ANXA10: variants seen among roughly 807,000 people sequenced by gnomAD.
ANXA10 encodes annexin 14.
In ANXA10, 49 loss-of-function variants were observed where a neutral mutation model predicts 53.5. The observed-to-expected ratio is 0.92, with a 90% CI of 0.73 to 1.16. ANXA10 has a LOEUF of 1.16. ANXA10 is among the 50% of genes most tolerant of loss of function. ANXA10 has a pLI of 0.00. For missense variants in ANXA10, 393 were observed against 394.4 expected, an observed-to-expected ratio of 1.00 and a Z score of 0.03; for synonymous variants, 131 against 128.9, an observed-to-expected ratio of 1.02 and a Z score of -0.11.
intron 3 of ANXA10, among the ~76,000 whole-genome samples, chr4:168,149,832 T>C (rs1731468832): frequency 6.6e-6 from 1 of 152,226 alleles, no homozygotes; most frequent in African/African-American, 2.4e-5. Context: ...GTGGTGAGCG[T>C]GAGCTTTCTG....
chr4:168,100,737 C>T (rs138770264), intron 1 of ANXA10, among the ~76,000 whole-genome samples: 86 of 152,196 alleles, frequency 5.7e-4, no homozygotes, highest in African/African-American at 1.9e-3. Context: ...TTTTATGAGA[C>T]TAGATATGCA....
intron 1 of ANXA10, among the ~76,000 whole-genome samples, chr4:168,099,331 G>A (rs911080577): frequency 6.6e-6 from 1 of 152,014 alleles, no homozygotes; most frequent in Admixed American, 6.6e-5. Context: ...GTAAGAAAAC[G>A]GTCAAAGATG....
At chr4:168,115,557 A>G (rs1193644009) in intron 1 of ANXA10, among the ~76,000 whole-genome samples, 1 of 151,116 alleles carries the variant, frequency 6.6e-6, no homozygotes, top group African/African-American at 2.4e-5. Flanking sequence ...TTCTTTTTGA[A>G]CTGACGTAAA....
chr4:168,113,025 AAAAAAAAGAAAG>A (rs1730836115), intron 1 of ANXA10, among the ~76,000 whole-genome samples: 1 of 152,080 alleles, frequency 6.6e-6, no homozygotes, highest in African/African-American at 2.4e-5. Flanking sequence ...TCCATCGGAA[AAAAAAAAGAAAG>A]AAAAAAAAGA....
intron 1 of ANXA10, among the ~76,000 whole-genome samples, chr4:168,116,989 T>TCACACACACACACA (rs1236162593): frequency 5.3e-5 from 1 of 18,882 alleles, no homozygotes; most frequent in African/African-American, 2.0e-4. Flanking sequence ...AGCAAATTTT[T>TCACACACACACACA]CACACAGACA....
chr4:168,179,176 T>A (rs749419189), intron 8 of ANXA10, 41 bp from the exon 9 acceptor site: 2 of 1,222,744 alleles, frequency 1.6e-6, no homozygotes, highest in East Asian at 2.5e-5. Context: ...TGTATTATAA[T>A]ATTTTCAAAA....
intron 1 of ANXA10, among the ~76,000 whole-genome samples, chr4:168,096,381 T>C (rs2149463230): frequency 1.3e-5 from 2 of 152,300 alleles, no homozygotes; most frequent in East Asian, 3.9e-4. Context: ...TCAACAAAAG[T>C]TTTGAATCAT....
At chr4:168,097,181 AC>A (rs1367787066) in intron 1 of ANXA10, among the ~76,000 whole-genome samples, 1 of 151,952 alleles carries the variant, frequency 6.6e-6, no homozygotes, top group Non-Finnish European at 1.5e-5. Flanking sequence ...CTTGTATTAC[AC>A]CCATTATATA....
chr4:168,103,918 A>G (rs1014845342), intron 1 of ANXA10, among the ~76,000 whole-genome samples: 2 of 151,800 alleles, frequency 1.3e-5, no homozygotes, highest in East Asian at 1.9e-4. Flanking sequence ...ATTTTTCGGT[A>G]TGGTATTGAA....
chr4:168,174,293 C>A (rs1732075314), intron 6 of ANXA10, among the ~76,000 whole-genome samples: 1 of 152,212 alleles, frequency 6.6e-6, no homozygotes, highest in African/African-American at 2.4e-5. Context: ...GCTGTTAACA[C>A]ACCCCTATTC....
Position 168,179,278 on chromosome 4 carries a change from T to C in ANXA10, c.690T>C (p.Tyr230=), listed in dbSNP as rs764884583. Residue 230 remains tyrosine, a synonymous_variant, in exon 9 of 12, where the codon TAT becomes TAC. Transcript: ENST00000359299. ...TGGTAGATGCCATTAATGAATGTTA[T>C]GATGGATACTTTCAGGAGCTGCTGG... is the stretch of plus-strand genomic sequence containing the variant. ...QDMVDAINEC[Y]DGYFQELLVA... is the part of the protein sequence containing the mutation. 11 of 1,611,858 alleles carry C rather than the reference T, an allele frequency of 6.8e-6. No homozygotes were observed. The highest frequency in any genetic ancestry group is 3.3e-5 in the Admixed American group (2 of 59,910).
At chr4:168,143,911 A>G (rs188437666) in intron 3 of ANXA10, among the ~76,000 whole-genome samples, 18 of 152,314 alleles carry the variant, frequency 1.2e-4, no homozygotes, top group Non-Finnish European at 1.6e-4. Context: ...TCAGGCTTAC[A>G]AGGGCAGACA....
At chr4:168,099,909 A>G (rs1370101812) in intron 1 of ANXA10, among the ~76,000 whole-genome samples, 2 of 152,160 alleles carry the variant, frequency 1.3e-5, no homozygotes, top group Non-Finnish European at 2.9e-5. Flanking sequence ...CTGTCTGCCA[A>G]CAATAACAGA....
intron 10 of ANXA10, among the ~76,000 whole-genome samples, chr4:168,182,622 C>G (rs1487532207): frequency 2.0e-5 from 3 of 149,776 alleles, no homozygotes; most frequent in African/African-American, 7.3e-5. Context: ...CGTGAGCCAC[C>G]GCGCCCGGCC....
chr4:168,138,235 A>C (rs1221131173), intron 2 of ANXA10, among the ~76,000 whole-genome samples: 6 of 152,106 alleles, frequency 3.9e-5, no homozygotes, highest in Non-Finnish European at 1.5e-5. Context: ...TGCTGGGATT[A>C]CAGGCATGAG....
At chr4:168,102,306 C>G (rs575046450) in intron 1 of ANXA10, among the ~76,000 whole-genome samples, 1 of 151,918 alleles carries the variant, frequency 6.6e-6, no homozygotes, top group African/African-American at 2.4e-5. Flanking sequence ...TTGTGGTATA[C>G]AATTTTATGA....
intron 9 of ANXA10, among the ~76,000 whole-genome samples, chr4:168,181,192 C>A (rs1226381342): frequency 6.6e-6 from 1 of 151,738 alleles, no homozygotes; most frequent in African/African-American, 2.4e-5. Context: ...GAGATCGAGA[C>A]CATCCTGGCT....
In ANXA10 at chr4:168,155,872, ATAT is replaced by A. The variant is rs1253516094; in HGVS notation, c.196-6652_196-6650del. On this transcript the variant is annotated intron_variant, in intron 3 of 11. Coordinates refer to ENST00000359299, the MANE Select transcript of ANXA10 (RefSeq NM_007193.5). ...TAATATATCATATATGATATATCATATATTATATGTTATATATAATATATGATA... is the reference window on the plus strand; with the variant it reads ...TAATATATCATATATGATATATCATATATATGTTATATATAATATATGATA... Among the ~76,000 whole-genome samples, 135 of 35,248 alleles carry A rather than the reference ATAT, an allele frequency of 3.8e-3. 10 individuals are homozygous for A. The highest frequency in any genetic ancestry group is 0.016 in the African/African-American group (124 of 7,802). The allele number at this position is 35,248 out of a possible 152,430, so 23.1% of individuals were successfully genotyped here.
Position 168,096,926 on chromosome 4 carries a change from A to ATATGTATATATATATATATATATG in ANXA10, c.18+4215_18+4216insATATATATATATATATGTATGTAT, listed in dbSNP as rs1553995920. ...AATACAAATGCATATATATATATAT[A>ATATGTATATATATATATATATATG]TATGTATGTATATGTATATACAATA... On this transcript the variant is annotated intron_variant, in intron 1 of 11. Coordinates refer to ENST00000359299, the MANE Select transcript of ANXA10 (RefSeq NM_007193.5). 8.8e-3 allele frequency among the ~76,000 whole-genome samples: 1,147 copies of ATATGTATATATATATATATATATG among 129,888 alleles called. 14 individuals are homozygous for ATATGTATATATATATATATATATG. The highest frequency in any genetic ancestry group is 0.015 in the Non-Finnish European group (927 of 62,138). The allele number at this position is 129,888 out of a possible 152,430, so 85.2% of individuals were successfully genotyped here.
Sources: allele counts gnomAD v4.1 joint callset (sites outside exome capture counted in the v4.1 genomes callset), GRCh38; gene constraint gnomAD v4.1.1; transcripts MANE v1.5; gene names NCBI Gene and HGNC (gene_info 2026-07-23, HGNC 2026-07-21).